Variants in ZNF737 observed in about 807,000 individuals in gnomAD.
ZNF737 encodes the protein zinc finger protein 102 (Y3).
In ZNF737, 13 loss-of-function variants were observed where a neutral mutation model predicts 11.7. The observed-to-expected ratio is 1.11, with a 90% CI of 0.73 to 1.77. The LOEUF (loss-of-function observed/expected upper bound fraction) is 1.77, where lower values mean the gene tolerates loss of function less well. Ranked by LOEUF, ZNF737 falls within the 40% of genes most tolerant of loss-of-function variation. ZNF737 has a pLI of 0.00. For missense variants in ZNF737, 636 were observed against 638.0 expected, an observed-to-expected ratio of 1.00 and a Z score of 0.03; for synonymous variants, 217 against 216.2, an observed-to-expected ratio of 1.00 and a Z score of -0.03.
At chr19:20,554,862 CT>C (rs35282648) in intron 1 of ZNF737, among the ~76,000 whole-genome samples, 40,518 of 136,486 alleles carry the variant, frequency 0.3, 6,374 homozygotes, top group African/African-American at 0.51. Context: ...ATAAGCATTT[CT>C]TTTTTTTTTT....
In ZNF737 at chr19:20,540,735, G is replaced by A. The variant is rs1238942312; in HGVS notation, c.*3857C>T. Reference sequence around the variant, plus strand: ...GATCACGCCACTGCTCTCCAGCCTGGAAGACAGAGCAACACTCCATCATGG... The same window carrying A: ...GATCACGCCACTGCTCTCCAGCCTGAAAGACAGAGCAACACTCCATCATGG... On this transcript the variant is annotated 3_prime_UTR_variant, in exon 4 of 4. Coordinates refer to ENST00000427401, the MANE Select transcript of ZNF737 (RefSeq NM_001159293.2). The A allele has an allele frequency of 1.2e-5, 10 of 828,296 alleles. No homozygotes were observed. The African/African-American group carries it at 1.9e-4, about 15-fold the overall frequency. 51.3% of individuals were successfully genotyped at this position (828,296 alleles called of 1,614,324 possible). A position where few individuals can be genotyped will look rare whatever the true frequency, so the allele number is the denominator to read the frequency against.
At chr19:20,546,191 G>A (rs73529612) in intron 3 of ZNF737, among the ~76,000 whole-genome samples, 7,725 of 152,122 alleles carry the variant, frequency 0.051, 666 homozygotes, top group African/African-American at 0.17. Flanking sequence ...GTGTATGAAG[G>A]GCCCCAGGTG....
chr19:20,560,377 CA>C lies in ZNF737; in HGVS notation c.3+5260del, dbSNP rs1411619038. On this transcript the variant is annotated intron_variant, in intron 1 of 3. Coordinates refer to ENST00000427401, the MANE Select transcript of ZNF737 (RefSeq NM_001159293.2). ...AATAAAATGAAATAAAAGATTTAGT[CA>C]AAATAAAATATGGTATATAAACCTC... 2.0e-5 allele frequency among the ~76,000 whole-genome samples: 3 copies of C among 150,742 alleles called. No homozygotes were observed. In the East Asian group the frequency reaches 6.0e-4, roughly 30 times the overall value.
chr19:20,556,818 TGTTA>T (rs782094011), intron 1 of ZNF737, among the ~76,000 whole-genome samples: 9 of 152,238 alleles, frequency 5.9e-5, no homozygotes, highest in Non-Finnish European at 1.3e-4. Flanking sequence ...ATGCACTGTT[TGTTA>T]AACAGGTACT....
At position 20,545,753 on chromosome 19, in the gene ZNF737, A is replaced by G; in HGVS notation, c.450T>C (p.Tyr150=). ...TQSKIFQCDK[Y]VKVIHKFSNS... is the part of the protein sequence containing the mutation. ...TTGAAAATTTATGAATGACTTTCAC[A>G]TATTTATCACACTGAAATATTTTGC... The change falls in exon 4 of 4, where the codon TAT becomes TAC. Residue 150 remains tyrosine (Y), a synonymous_variant. Coordinates refer to ENST00000427401, the MANE Select transcript of ZNF737 (RefSeq NM_001159293.2). The G allele has an allele frequency of 6.2e-7, 1 of 1,613,272 alleles. No homozygotes were observed. The highest frequency in any genetic ancestry group is 2.2e-5 in the East Asian group (1 of 44,856).
chr19:20,548,068 G>C (rs1473816685), intron 3 of ZNF737, among the ~76,000 whole-genome samples: 2 of 152,056 alleles, frequency 1.3e-5, no homozygotes, highest in Non-Finnish European at 2.9e-5. Context: ...CTTAAACCCA[G>C]AAGGCAGAGG....
intron 1 of ZNF737, 103 bp downstream of exon 1, chr19:20,565,535 T>C (rs1969265465): frequency 2.5e-6 from 4 of 1,583,196 alleles, no homozygotes; most frequent in Non-Finnish European, 3.5e-6. Flanking sequence ...GGGTGCAGAT[T>C]GTGGAGCTGA....
In ZNF737 at chr19:20,544,211, G is replaced by GT; in HGVS notation, c.*380dup. On this transcript the variant is annotated 3_prime_UTR_variant, in exon 4 of 4. Transcript: ENST00000427401. ...GATTTTTGTCCAGCATGAATTATGTGTAAGAAGGGTTCAGAACTTCCTAAA... is the reference window on the plus strand; with the variant it reads ...GATTTTTGTCCAGCATGAATTATGTGTTAAGAAGGGTTCAGAACTTCCTAAA... The GT allele has an allele frequency of 9.8e-7, 1 of 1,025,492 alleles. No homozygotes were observed. The highest frequency in any genetic ancestry group is 1.2e-6 in the Non-Finnish European group (1 of 855,278). The allele number at this position is 1,025,492 out of a possible 1,614,324, so 63.5% of individuals were successfully genotyped here. A position where few individuals can be genotyped will look rare whatever the true frequency, so the allele number is the denominator to read the frequency against.
chr19:20,543,416 G>A lies in ZNF737; in HGVS notation c.*1176C>T, dbSNP rs1242728471. On this transcript the variant is annotated 3_prime_UTR_variant, in exon 4 of 4. Transcript: ENST00000427401. ...AATAAATACTCTTCTTCACTTTAAA[G>A]GCTTATACTTGCTGAAAGTTTTGAC... 8.1e-6 allele frequency: 8 copies of A among 986,138 alleles called. No individual in the cohort carries two copies. In the African/African-American group the frequency reaches 1.4e-4, roughly 17 times the overall value. 61.1% of individuals were successfully genotyped at this position (986,138 alleles called of 1,614,324 possible). A position where few individuals can be genotyped will look rare whatever the true frequency, so the allele number is the denominator to read the frequency against.
rs1555763629 is a variant in ZNF737, at chr19:20,565,688, A to C, written c.-48T>G. Reference sequence around the variant, plus strand: ...GGGCGTCTTAGCTGTGGATCTCCCAATACCTGCAGGACACAGGGCCACAGA... The same window carrying C: ...GGGCGTCTTAGCTGTGGATCTCCCACTACCTGCAGGACACAGGGCCACAGA... On this transcript the variant is annotated 5_prime_UTR_variant, in exon 1 of 4. Coordinates refer to ENST00000427401, the MANE Select transcript of ZNF737 (RefSeq NM_001159293.2). 2.1e-5 allele frequency: 34 copies of C among 1,613,902 alleles called. No homozygotes were observed. The highest frequency in any genetic ancestry group is 2.9e-5 in the Non-Finnish European group (34 of 1,179,836).
rs7507378 is a variant in ZNF737 at position 20,538,917 on chromosome 19, C to T, written c.*5675G>A. The T allele has an allele frequency of 6.1e-6, 6 of 985,142 alleles. No homozygotes were observed. Among genetic ancestry groups the T allele is most frequent in the Non-Finnish European group, 7.2e-6 (6 of 829,808 alleles). The allele number at this position is 985,142 out of a possible 1,614,324, so 61.0% of individuals were successfully genotyped here. A position where few individuals can be genotyped will look rare whatever the true frequency, so the allele number is the denominator to read the frequency against. On this transcript the variant is annotated 3_prime_UTR_variant, in exon 4 of 4. Coordinates refer to ENST00000427401, the MANE Select transcript of ZNF737 (RefSeq NM_001159293.2). ...TTTGTTAATTCACTCTAAATTGAGA[C>T]TACATTTACAATCTTCAGTTTTTCA...
intron 2 of ZNF737, 97 bp downstream of exon 2, chr19:20,553,612 T>A (rs1424740730): frequency 3.1e-6 from 4 of 1,282,218 alleles, no homozygotes; most frequent in Non-Finnish European, 4.3e-6. Flanking sequence ...GATCTGAAAC[T>A]CTTTTATAAA....
chr19:20,541,549 C>T lies in ZNF737; in HGVS notation c.*3043G>A, dbSNP rs1418552389. The T allele has an allele frequency of 1.2e-5, 4 of 346,932 alleles. No individual in the cohort carries two copies. Among genetic ancestry groups the T allele is most frequent in the African/African-American group, 2.2e-5 (1 of 45,082 alleles). The allele number at this position is 346,932 out of a possible 1,614,324, so 21.5% of individuals were successfully genotyped here. ...GCAACCTCTGCCTCCTGGGCTCAAA[C>T]GATTCTCCTGCCTCAGCCTCCTGGC... On this transcript the variant is annotated 3_prime_UTR_variant, in exon 4 of 4. Transcript: ENST00000427401.
downstream of ZNF737, among the ~76,000 whole-genome samples, chr19:20,534,475 A>G (rs1424282582): frequency 2.0e-5 from 3 of 149,190 alleles, no homozygotes; most frequent in African/African-American, 7.5e-5. Context: ...CTATCTATCT[A>G]TCTATCTATC....
chr19:20,565,747 G>C lies in ZNF737; in HGVS notation c.-107C>G. ...CTCTAGGAGCAGAGGACACACAGCA[G>C]TGAAGACAAGACCTGGAGCTCCGGC... On this transcript the variant is annotated 5_prime_UTR_variant, in exon 1 of 4. Coordinates refer to ENST00000427401, the MANE Select transcript of ZNF737 (RefSeq NM_001159293.2). 1 of 1,549,300 alleles carries C rather than the reference G, an allele frequency of 6.5e-7. No homozygotes were observed. Among genetic ancestry groups the C allele is most frequent in the Non-Finnish European group, 8.9e-7 (1 of 1,121,154 alleles).
At position 20,542,719 on chromosome 19, in the gene ZNF737, A is replaced by G. The variant is rs1417348067; in HGVS notation, c.*1873T>C. 16 of 984,442 alleles carry G rather than the reference A, an allele frequency of 1.6e-5. No individual in the cohort carries two copies. Among genetic ancestry groups the G allele is most frequent in the Non-Finnish European group, 1.9e-5 (16 of 829,232 alleles). The allele number at this position is 984,442 out of a possible 1,614,324, so 61.0% of individuals were successfully genotyped here. On this transcript the variant is annotated 3_prime_UTR_variant, in exon 4 of 4. Coordinates refer to ENST00000427401, the MANE Select transcript of ZNF737 (RefSeq NM_001159293.2). ...AAACAGCTTCTCCACTTGTATTTTCATTATGCGTCTTACATTTTAATGTTC... is the reference window on the plus strand; with the variant it reads ...AAACAGCTTCTCCACTTGTATTTTCGTTATGCGTCTTACATTTTAATGTTC...
In ZNF737 at chr19:20,544,409, G is replaced by A; in HGVS notation, c.*183C>T. 1 of 1,443,386 alleles carries A rather than the reference G, an allele frequency of 6.9e-7. No individual in the cohort carries two copies. Among genetic ancestry groups the A allele is most frequent in the Non-Finnish European group, 9.0e-7 (1 of 1,105,530 alleles). The allele number at this position is 1,443,386 out of a possible 1,614,324, so 89.4% of individuals were successfully genotyped here. A position where few individuals can be genotyped will look rare whatever the true frequency, so the allele number is the denominator to read the frequency against. On this transcript the variant is annotated 3_prime_UTR_variant, in exon 4 of 4. Coordinates refer to ENST00000427401, the MANE Select transcript of ZNF737 (RefSeq NM_001159293.2). ...GGGCAGAGGTGTCCTTAAAGGCTTTGCTGCATTTTCTTATTTGTTGGGTTT... is the reference window on the plus strand; with the variant it reads ...GGGCAGAGGTGTCCTTAAAGGCTTTACTGCATTTTCTTATTTGTTGGGTTT...
In ZNF737 at chr19:20,544,753, C is replaced by T. The variant is rs1555756049; in HGVS notation, c.1450G>A (p.Glu484Lys). ...IHTGEKPYKC[E>K]RCGKAFKRSF... ...CGCTTAAAAGCCTTGCCACATCGTT[C>T]ACATTTGTAGGGTTTCTCTCCAGTA... The change falls in exon 4 of 4, where the codon GAA (glutamate) becomes AAA (lysine). Residue 484 changes from glutamate (E) to lysine (K), a missense_variant. Transcript: ENST00000427401. 2 of 1,609,024 alleles carry T rather than the reference C, an allele frequency of 1.2e-6. No homozygotes were observed. Among genetic ancestry groups the T allele is most frequent in the Non-Finnish European group, 8.5e-7 (1 of 1,178,030 alleles).
In ZNF737 at chr19:20,542,822, C is replaced by G; in HGVS notation, c.*1770G>C. 1.0e-6 allele frequency: 1 copy of G among 985,314 alleles called. No individual in the cohort carries two copies. The highest frequency in any genetic ancestry group is 1.2e-6 in the Non-Finnish European group (1 of 829,880). 61.0% of individuals were successfully genotyped at this position (985,314 alleles called of 1,614,324 possible). ...TATCTCTGATGCAGAAGCCACTGAT[C>G]ACATGCTTTCTCACATGTGAATAGA... On this transcript the variant is annotated 3_prime_UTR_variant, in exon 4 of 4. Transcript: ENST00000427401.
Sources: allele counts gnomAD v4.1 joint callset (sites outside exome capture counted in the v4.1 genomes callset), GRCh38; gene constraint gnomAD v4.1.1; transcripts MANE v1.5; gene names NCBI Gene and HGNC (gene_info 2026-07-23, HGNC 2026-07-21).